Variants in SPATA17 observed in about 807,000 individuals in gnomAD.
The protein encoded by SPATA17 is spermatogenesis associated 17, also known as spermatogenesis-associated protein 17.
SPATA17 carries 53 observed loss-of-function variants against 62.2 expected under a neutral mutation model. That is an observed-to-expected ratio of 0.85 (90% CI 0.68 to 1.07). The LOEUF is 1.07. Among genes scored for constraint, SPATA17 ranks in the 50% least tolerant of loss-of-function variants. SPATA17 has a pLI of 0.00. For missense variants in SPATA17, 466 were observed against 425.5 expected, an observed-to-expected ratio of 1.10 and a Z score of -0.84; for synonymous variants, 146 against 146.8, an observed-to-expected ratio of 0.99 and a Z score of 0.04.
At chr1:217,720,087 A>G (rs1672089356) in intron 5 of SPATA17, among the ~76,000 whole-genome samples, 1 of 152,230 alleles carries the variant, frequency 6.6e-6, no homozygotes, top group Non-Finnish European at 1.5e-5. Flanking sequence ...TTGGAACCGG[A>G]GGAGGGAAGG....
intron 5 of SPATA17, among the ~76,000 whole-genome samples, chr1:217,701,138 C>G (rs554998105): frequency 6.7e-6 from 1 of 148,328 alleles, no homozygotes; most frequent in Non-Finnish European, 1.5e-5. Flanking sequence ...CCACGCCTAG[C>G]TAGTTTTTGT....
chr1:217,705,830 G>A (rs1671721119), intron 5 of SPATA17, among the ~76,000 whole-genome samples: 1 of 152,132 alleles, frequency 6.6e-6, no homozygotes, highest in Admixed American at 6.5e-5. Context: ...TATGTCCTAG[G>A]TTATCTTCCA....
intron 5 of SPATA17, among the ~76,000 whole-genome samples, chr1:217,704,408 G>A (rs994805345): frequency 1.3e-5 from 2 of 150,026 alleles, no homozygotes; most frequent in Admixed American, 1.3e-4. Context: ...CCGCCACCGC[G>A]CCCGGCTAAT....
At chr1:217,831,099 A>G (rs1675128909) in intron 9 of SPATA17, among the ~76,000 whole-genome samples, 1 of 152,054 alleles carries the variant, frequency 6.6e-6, no homozygotes, top group East Asian at 1.9e-4. Flanking sequence ...CTCTCCTGTA[A>G]TTCCTCAGTT....
chr1:217,865,247 T>C (rs1208815729), intron 10 of SPATA17, among the ~76,000 whole-genome samples: 1 of 152,200 alleles, frequency 6.6e-6, no homozygotes, highest in Non-Finnish European at 1.5e-5. Flanking sequence ...TTGCTTCAGC[T>C]CCAAGGTAGT....
At chr1:217,652,901 G>A (rs1670358025) in intron 3 of SPATA17, among the ~76,000 whole-genome samples, 1 of 152,130 alleles carries the variant, frequency 6.6e-6, no homozygotes, top group African/African-American at 2.4e-5. Flanking sequence ...AAGAATGTGT[G>A]GGAGATTTTT....
chr1:217,677,565 A>G (rs1670976564), intron 4 of SPATA17, among the ~76,000 whole-genome samples: 1 of 152,074 alleles, frequency 6.6e-6, no homozygotes, highest in South Asian at 2.1e-4. Context: ...TAACAGTTTT[A>G]TTCATACAAA....
intron 9 of SPATA17, among the ~76,000 whole-genome samples, chr1:217,807,052 A>G (rs1435411339): frequency 6.6e-6 from 1 of 152,196 alleles, no homozygotes; most frequent in East Asian, 1.9e-4. Context: ...TGACCCATAT[A>G]TACCATGGAA....
At chr1:217,862,644 A>T in intron 9 of SPATA17, 130 bp from the exon 10 acceptor site, 3 of 657,486 alleles carry the variant, frequency 4.6e-6, no homozygotes, top group Non-Finnish European at 7.7e-6. Context: ...TTGTTTTGAG[A>T]GTATAATGGG....
intron 9 of SPATA17, among the ~76,000 whole-genome samples, chr1:217,806,687 G>A (rs1674443319): frequency 6.6e-6 from 1 of 151,992 alleles, no homozygotes; most frequent in Non-Finnish European, 1.5e-5. Flanking sequence ...CTTTTTCTAG[G>A]CACTGGAAAT....
chr1:217,726,219 C>T (rs1214460062), intron 5 of SPATA17, among the ~76,000 whole-genome samples: 1 of 152,176 alleles, frequency 6.6e-6, no homozygotes, highest in East Asian at 1.9e-4. Flanking sequence ...CCTCCCAAGT[C>T]CTGTTTGACC....
rs9633501 is a variant in SPATA17, at chr1:217,864,099, T to C, written c.*2+1243T>C. The stretch of plus-strand genomic sequence containing the variant: ...AGGGGAAATATGAAATATTCTGAGC[T>C]AATAGGAAATGTATATATAATACCA... On this transcript the variant is annotated intron_variant, in intron 10 of 10. Transcript: ENST00000366933. Among the ~76,000 whole-genome samples, 1,391 of 152,318 alleles carry C rather than the reference T, an allele frequency of 9.1e-3. 16 individuals carry two copies. Among genetic ancestry groups the C allele is most frequent in the East Asian group, 0.061 (318 of 5,180 alleles).
At chr1:217,693,126 T>A (rs1671379215) in intron 5 of SPATA17, among the ~76,000 whole-genome samples, 1 of 149,714 alleles carries the variant, frequency 6.7e-6, no homozygotes, top group Admixed American at 6.7e-5. Flanking sequence ...GGTCCTGGAC[T>A]CTTTTTGGTT....
intron 5 of SPATA17, among the ~76,000 whole-genome samples, chr1:217,689,051 A>C (rs1671289508): frequency 6.6e-6 from 1 of 152,118 alleles, no homozygotes; most frequent in South Asian, 2.1e-4. Flanking sequence ...TGTCTTAATA[A>C]GTCATGATTT....
intron 9 of SPATA17, among the ~76,000 whole-genome samples, chr1:217,802,958 G>A (rs1049719606): frequency 2.6e-5 from 4 of 152,086 alleles, no homozygotes; most frequent in African/African-American, 9.7e-5. Flanking sequence ...TGTCGCTCAG[G>A]CTGGAGTGCA....
At chr1:217,849,673 TG>T (rs1420986046) in intron 9 of SPATA17, among the ~76,000 whole-genome samples, 1 of 152,168 alleles carries the variant, frequency 6.6e-6, no homozygotes, top group African/African-American at 2.4e-5. Context: ...TGTCATACTT[TG>T]TGCCTGGTGC....
intron 10 of SPATA17, among the ~76,000 whole-genome samples, chr1:217,865,691 A>T (rs899946025): frequency 6.6e-6 from 1 of 152,184 alleles, no homozygotes; most frequent in African/African-American, 2.4e-5. Context: ...GTTGTGGAGA[A>T]AAATTAGCAA....
In SPATA17 at chr1:217,869,272, G is replaced by A. The variant is rs1030670261; in HGVS notation, c.*2253G>A. Reference sequence around the variant, plus strand: ...AGTTGGAGTCAAAGACTTTCCAATTGGCAATTGGTTCAAAGAATTTATCTA... The same window carrying A: ...AGTTGGAGTCAAAGACTTTCCAATTAGCAATTGGTTCAAAGAATTTATCTA... On this transcript the variant is annotated 3_prime_UTR_variant, in exon 11 of 11. Coordinates refer to ENST00000366933, the MANE Select transcript of SPATA17 (RefSeq NM_138796.4). 1 of 152,134 alleles carries A rather than the reference G, an allele frequency of 6.6e-6. No individual in the cohort carries two copies. Among genetic ancestry groups the A allele is most frequent in the Admixed American group, 6.5e-5 (1 of 15,270 alleles). The allele number at this position is 152,134 out of a possible 1,614,324, so 9.4% of individuals were successfully genotyped here. A position where few individuals can be genotyped will look rare whatever the true frequency, so the allele number is the denominator to read the frequency against.
chr1:217,667,438 C>T (rs998323583), intron 3 of SPATA17, among the ~76,000 whole-genome samples: 25 of 152,216 alleles, frequency 1.6e-4, no homozygotes, highest in African/African-American at 5.5e-4. Flanking sequence ...TGACTATTAG[C>T]TATGTCCTGA....
Sources: allele counts gnomAD v4.1 joint callset (sites outside exome capture counted in the v4.1 genomes callset), GRCh38; gene constraint gnomAD v4.1.1; transcripts MANE v1.5; gene names NCBI Gene and HGNC (gene_info 2026-07-23, HGNC 2026-07-21).